The following PDE4B variants were observed in gnomAD, a reference collection of about 807,000 sequenced individuals.
The protein encoded by PDE4B is 3',5'-cyclic-AMP phosphodiesterase 4B.
PDE4B carries 20 observed loss-of-function variants against 82.2 expected under a neutral mutation model. That is an observed-to-expected ratio of 0.24 (90% CI 0.17 to 0.35). The LOEUF is 0.35. PDE4B is among the 10% of genes least tolerant of loss of function. The pLI is 1.00. For missense variants in PDE4B, 655 were observed against 907.2 expected, an observed-to-expected ratio of 0.72 and a Z score of 3.57; for synonymous variants, 320 against 318.9, an observed-to-expected ratio of 1.00 and a Z score of -0.04.
intron 3 of PDE4B, among the ~76,000 whole-genome samples, chr1:66,215,939 A>G (rs1055554867): frequency 6.6e-6 from 1 of 152,130 alleles, no homozygotes. Flanking sequence ...GACATTTGGT[A>G]TGAGATTGGA....
chr1:66,241,141 G>A (rs1451517470), intron 3 of PDE4B, among the ~76,000 whole-genome samples: 1 of 152,224 alleles, frequency 6.6e-6, no homozygotes, highest in Non-Finnish European at 1.5e-5. Context: ...TCTGTGGAAG[G>A]GAAGTCATAG....
intron 3 of PDE4B, among the ~76,000 whole-genome samples, chr1:65,936,865 G>A (rs1557444227): frequency 6.6e-6 from 1 of 152,178 alleles, no homozygotes; most frequent in East Asian, 1.9e-4. Flanking sequence ...TAATCTGGGG[G>A]CAATTCTATG....
intron 3 of PDE4B, among the ~76,000 whole-genome samples, chr1:66,243,387 C>T (rs962537209): frequency 7.2e-5 from 11 of 152,178 alleles, no homozygotes; most frequent in African/African-American, 2.7e-4. Flanking sequence ...ACCCAGGTGC[C>T]TGGGATACAA....
chr1:65,955,122 A>T (rs1649190171), intron 3 of PDE4B, among the ~76,000 whole-genome samples: 1 of 152,102 alleles, frequency 6.6e-6, no homozygotes, highest in Non-Finnish European at 1.5e-5. Flanking sequence ...CTTCTGCTTT[A>T]GTTCTGTCAG....
chr1:66,167,420 G>A lies in PDE4B; in HGVS notation c.282-80040G>A, dbSNP rs561815753. 9.2e-5 allele frequency among the ~76,000 whole-genome samples: 14 copies of A among 152,236 alleles called. No homozygotes were observed. In the East Asian group the frequency reaches 2.7e-3, roughly 29 times the overall value. Reference sequence around the variant, plus strand: ...AATGAATGAATTTTTAAAACTTTAAGTGAAAGAACCCATGCAATGTGTGAT... The same window carrying A: ...AATGAATGAATTTTTAAAACTTTAAATGAAAGAACCCATGCAATGTGTGAT... On this transcript the variant is annotated intron_variant, in intron 3 of 16. Coordinates refer to ENST00000341517, the MANE Select transcript of PDE4B (RefSeq NM_002600.4).
chr1:66,078,668 C>A (rs374722738), intron 3 of PDE4B, among the ~76,000 whole-genome samples: 1 of 152,090 alleles, frequency 6.6e-6, no homozygotes, highest in Non-Finnish European at 1.5e-5. Flanking sequence ...CTGGGCAATT[C>A]GTCTTTTAAA....
intron 7 of PDE4B, chr1:66,332,271 A>T: frequency 6.7e-7 from 1 of 1,490,438 alleles, no homozygotes; most frequent in African/African-American, 1.4e-5. Context: ...TAGATCACCG[A>T]CACCTCATCC....
intron 3 of PDE4B, among the ~76,000 whole-genome samples, chr1:66,146,529 T>C (rs527613502): frequency 6.6e-6 from 1 of 152,184 alleles, no homozygotes; most frequent in South Asian, 2.1e-4. Flanking sequence ...ACTTTTTCCC[T>C]TGGATGAGCA....
At chr1:65,964,479 A>T (rs1649711131) in intron 3 of PDE4B, among the ~76,000 whole-genome samples, 2 of 152,224 alleles carry the variant, frequency 1.3e-5, no homozygotes, top group Non-Finnish European at 2.9e-5. Context: ...ATTAACTTTT[A>T]TAAACCATAG....
intron 3 of PDE4B, among the ~76,000 whole-genome samples, chr1:66,210,789 C>T (rs2101574418): frequency 6.6e-6 from 1 of 152,102 alleles, no homozygotes; most frequent in African/African-American, 2.4e-5. Context: ...TAAAAAAAAT[C>T]AATCTGTTGC....
At chr1:66,186,151 T>C (rs1279229332) in intron 3 of PDE4B, among the ~76,000 whole-genome samples, 1 of 152,186 alleles carries the variant, frequency 6.6e-6, no homozygotes, top group Non-Finnish European at 1.5e-5. Flanking sequence ...GTTTTAGATA[T>C]GCGGCATTAT....
intron 1 of PDE4B, among the ~76,000 whole-genome samples, chr1:65,882,480 C>G (rs1335921517): frequency 1.3e-5 from 2 of 152,264 alleles, no homozygotes; most frequent in African/African-American, 2.4e-5. Flanking sequence ...AGCATATTCT[C>G]TAATATGAAC....
intron 3 of PDE4B, among the ~76,000 whole-genome samples, chr1:66,080,740 T>C (rs1368485903): frequency 6.6e-6 from 1 of 152,098 alleles, no homozygotes; most frequent in South Asian, 2.1e-4. Context: ...TAAATGTATT[T>C]TTCTTTTCTT....
intron 3 of PDE4B, among the ~76,000 whole-genome samples, chr1:66,085,678 G>A (rs1353872440): frequency 6.6e-6 from 1 of 152,018 alleles, no homozygotes; most frequent in Non-Finnish European, 1.5e-5. Flanking sequence ...AAAATGATAG[G>A]TTGCTGTAGG....
intron 4 of PDE4B, among the ~76,000 whole-genome samples, chr1:66,253,916 C>T (rs1474006552): frequency 2.6e-5 from 4 of 152,158 alleles, no homozygotes; most frequent in Admixed American, 1.3e-4. Flanking sequence ...TCAAAAGTTC[C>T]ATAATGATAA....
At chr1:66,257,923 C>G in intron 6 of PDE4B, 60 bp downstream of exon 6, 5 of 1,109,988 alleles carry the variant, frequency 4.5e-6, no homozygotes, top group Admixed American at 1.8e-5. Flanking sequence ...AAATATTGAG[C>G]AGCATTTAAA....
chr1:65,823,609 A>G (rs1416248084), intron 1 of PDE4B, among the ~76,000 whole-genome samples: 1 of 151,926 alleles, frequency 6.6e-6, no homozygotes, highest in African/African-American at 2.4e-5. Flanking sequence ...CCCACTATCA[A>G]TTCATCTGAC....
intron 3 of PDE4B, among the ~76,000 whole-genome samples, chr1:65,953,362 G>T (rs1649097805): frequency 6.6e-6 from 1 of 152,086 alleles, no homozygotes; most frequent in Non-Finnish European, 1.5e-5. Flanking sequence ...GAGATAAAGG[G>T]ACTTTGCAGA....
chr1:66,269,973 G>A (rs1340150699), intron 7 of PDE4B, among the ~76,000 whole-genome samples: 2 of 152,088 alleles, frequency 1.3e-5, no homozygotes, highest in East Asian at 3.9e-4. Flanking sequence ...AAATTTATCA[G>A]TAAATTTACT....
Sources: gnomAD v4.1 joint callset for allele counts (sites outside exome capture counted in the v4.1 genomes callset) on GRCh38, gnomAD v4.1.1 for gene constraint, MANE v1.5 for transcripts, NCBI Gene and HGNC (gene_info 2026-07-23, HGNC 2026-07-21) for gene names.